Variants in CLDN12 observed in about 807,000 individuals in gnomAD.
The protein encoded by CLDN12 is claudin 12.
In CLDN12, 9 loss-of-function variants were observed where a neutral mutation model predicts 15.5. The observed-to-expected ratio is 0.58, with a 90% CI of 0.35 to 1.02. CLDN12 has a LOEUF of 1.02. Among genes scored for constraint, CLDN12 ranks in the 50% least tolerant of loss-of-function variants. The pLI is 0.02. For synonymous variants in CLDN12, 140 were observed against 121.6 expected (o/e 1.15, Z -1.00); for missense variants, 233 against 297.3 (o/e 0.78, Z 1.59).
intron 2 of CLDN12, among the ~76,000 whole-genome samples, chr7:90,407,190 G>A (rs1213458241): frequency 2.0e-5 from 3 of 152,080 alleles, no homozygotes; most frequent in African/African-American, 7.2e-5. Context: ...GAGCCACCAC[G>A]CCGCGCCAGG....
Position 90,413,198 on chromosome 7 carries a change from A to G in CLDN12, c.522A>G (p.Ala174=). The change falls in exon 4 of 4, where the codon GCA becomes GCG. Residue 174 remains alanine (A), a synonymous_variant. Transcript: ENST00000496677. ...KFEPVFSFDY[A]VYVTIASAGG... ...AGCCAGTCTTTTCATTTGACTATGC[A>G]GTGTATGTCACTATTGCTAGTGCTG... 6.2e-7 allele frequency: 1 copy of G among 1,614,194 alleles called. No homozygotes were observed. The highest frequency in any genetic ancestry group is 8.5e-7 in the Non-Finnish European group (1 of 1,180,022).
intron 2 of CLDN12, among the ~76,000 whole-genome samples, chr7:90,411,378 G>A (rs1287498036): frequency 6.6e-6 from 1 of 152,212 alleles, no homozygotes; most frequent in Admixed American, 6.5e-5. Context: ...TGCTTTGAGA[G>A]TGAATATCAG....
rs748275826 is a variant in CLDN12, at chr7:90,413,345, C to T, written c.669C>T (p.Pro223=). 6.2e-7 allele frequency: 1 copy of T among 1,614,038 alleles called. No homozygotes were observed. Among genetic ancestry groups the T allele is most frequent in the Admixed American group, 1.7e-5 (1 of 59,996 alleles). ...CCAGTATGCATACTTACTCACAGCC[C>T]TATTCAGCACGCTCTCGCCTCTCTG... is the stretch of plus-strand genomic sequence containing the variant. ...HPPSMHTYSQ[P]YSARSRLSAI... The change falls in exon 4 of 4, where the codon CCC becomes CCT. Residue 223 remains proline (P), a synonymous_variant. Coordinates refer to ENST00000496677, the MANE Select transcript of CLDN12 (RefSeq NM_001185072.3).
At position 90,412,900 on chromosome 7, in the gene CLDN12, A is replaced by G. The variant is rs1484264687; in HGVS notation, c.224A>G (p.Tyr75Cys). 6.2e-7 allele frequency: 1 copy of G among 1,614,116 alleles called. No individual in the cohort carries two copies. The highest frequency in any genetic ancestry group is 1.3e-5 in the African/African-American group (1 of 75,032). The change falls in exon 4 of 4, where the codon TAC becomes TGC. Residue 75 changes from tyrosine (Y) to cysteine (C), a missense_variant. Transcript: ENST00000496677. ...SDCLMYDTTW[Y>C]SSVDQLDLRV... Reference sequence around the variant, plus strand: ...TGCCTGATGTACGACACTACTTGGTACTCATCAGTTGACCAGCTGGACCTG... The same window carrying G: ...TGCCTGATGTACGACACTACTTGGTGCTCATCAGTTGACCAGCTGGACCTG...
intron 3 of CLDN12, chr7:90,412,406 G>C (rs1317752026): frequency 5.0e-6 from 2 of 401,490 alleles, no homozygotes; most frequent in South Asian, 8.4e-5. Context: ...GATGGCTAAA[G>C]ATTTTAGTTG....
intron 2 of CLDN12, among the ~76,000 whole-genome samples, chr7:90,410,350 G>A (rs1346300410): frequency 6.6e-6 from 1 of 151,836 alleles, no homozygotes; most frequent in African/African-American, 2.4e-5. Flanking sequence ...ACTGACAGAA[G>A]GTAACATAAT....
intron 2 of CLDN12, among the ~76,000 whole-genome samples, chr7:90,408,716 T>C (rs191051646): frequency 6.6e-6 from 1 of 152,258 alleles, no homozygotes; most frequent in Non-Finnish European, 1.5e-5. Context: ...TCTGTATAGA[T>C]AGGCCTCTGT....
At chr7:90,408,057 G>A (rs1562968136) in intron 2 of CLDN12, among the ~76,000 whole-genome samples, 1 of 152,130 alleles carries the variant, frequency 6.6e-6, no homozygotes, top group Non-Finnish European at 1.5e-5. Context: ...GATGAGGTTT[G>A]CATTTGAAAA....
rs1478353974 is a variant in CLDN12, at chr7:90,414,188, T to C, written c.*777T>C. ...TTCCATCAAGCAGTACTCGTGCCCA[T>C]ATACAATCTCTTAGTGGCTAGGAGA... is the stretch of plus-strand genomic sequence containing the variant. On this transcript the variant is annotated 3_prime_UTR_variant, in exon 4 of 4. Transcript: ENST00000496677. The C allele has an allele frequency of 3.0e-6, 3 of 1,000,144 alleles. No homozygotes were observed. The highest frequency in any genetic ancestry group is 3.6e-6 in the Non-Finnish European group (3 of 829,996). The allele number at this position is 1,000,144 out of a possible 1,614,324, so 62.0% of individuals were successfully genotyped here.
rs1715026992 is a variant in CLDN12, at chr7:90,415,038, T to C, written c.*1627T>C. The C allele has an allele frequency of 6.0e-6, 1 of 166,980 alleles. No homozygotes were observed. Among genetic ancestry groups the C allele is most frequent in the Non-Finnish European group, 1.5e-5 (1 of 68,116 alleles). The allele number at this position is 166,980 out of a possible 1,614,324, so 10.3% of individuals were successfully genotyped here. ...AACAGCTAGTTATATGGTAAACAGA[T>C]TATTATGCCTTTTTGCAATTCTGAA... On this transcript the variant is annotated 3_prime_UTR_variant, in exon 4 of 4. Transcript: ENST00000496677.
rs1268142593 is a variant in CLDN12, at chr7:90,413,350, C to T, written c.674C>T (p.Ser225Leu). ...PSMHTYSQPY[S>L]ARSRLSAIEI... ...ATGCATACTTACTCACAGCCCTATTCAGCACGCTCTCGCCTCTCTGCCATT... is the reference window on the plus strand; with the variant it reads ...ATGCATACTTACTCACAGCCCTATTTAGCACGCTCTCGCCTCTCTGCCATT... The change falls in exon 4 of 4, where the codon TCA becomes TTA. Residue 225 changes from serine to leucine, a missense_variant. Ser to Leu is a moderately radical substitution (Grantham distance 145). Coordinates refer to ENST00000496677, the MANE Select transcript of CLDN12 (RefSeq NM_001185072.3). 6.2e-7 allele frequency: 1 copy of T among 1,614,206 alleles called. No individual in the cohort carries two copies. Among genetic ancestry groups the T allele is most frequent in the South Asian group, 1.1e-5 (1 of 91,082 alleles).
At position 90,412,981 on chromosome 7, in the gene CLDN12, T is replaced by A. The variant is rs1796997721; in HGVS notation, c.305T>A (p.Leu102Gln). ...ATGCTGATCGCCATGGGTGCCCTGC[T>A]GCTCTGCCTGATTGGAATGTGCAAC... is the stretch of plus-strand genomic sequence containing the variant. ...LSMLIAMGAL[L>Q]LCLIGMCNTA... is the part of the protein sequence containing the mutation. Residue 102 changes from leucine (L) to glutamine (Q), a missense_variant, in exon 4 of 4, where the codon CTG becomes CAG. By Grantham distance (113) the Leu-to-Gln change is moderately radical (BLOSUM62 -2). Coordinates refer to ENST00000496677, the MANE Select transcript of CLDN12 (RefSeq NM_001185072.3). 1 of 1,614,198 alleles carries A rather than the reference T, an allele frequency of 6.2e-7. No homozygotes were observed. Among genetic ancestry groups the A allele is most frequent in the Admixed American group, 1.7e-5 (1 of 60,018 alleles).
At position 90,413,483 on chromosome 7, in the gene CLDN12, G is replaced by A. The variant is rs947945946; in HGVS notation, c.*72G>A. The A allele has an allele frequency of 2.1e-5, 33 of 1,545,676 alleles. No homozygotes were observed. The highest frequency in any genetic ancestry group is 4.0e-5 in the Admixed American group (2 of 50,340). ...TCCCCTTGTGCAAAGAGCTCTTTTGGACCTACATACATTTTCCTTTGTTTT... is the reference window on the plus strand; with the variant it reads ...TCCCCTTGTGCAAAGAGCTCTTTTGAACCTACATACATTTTCCTTTGTTTT... On this transcript the variant is annotated 3_prime_UTR_variant, in exon 4 of 4. Coordinates refer to ENST00000496677, the MANE Select transcript of CLDN12 (RefSeq NM_001185072.3).
rs1489120300 is a variant in CLDN12, at chr7:90,415,872, A to G, written c.*2461A>G. The G allele has an allele frequency of 6.0e-6, 1 of 166,968 alleles. No individual in the cohort carries two copies. The highest frequency in any genetic ancestry group is 2.4e-5 in the African/African-American group (1 of 41,454). 10.3% of individuals were successfully genotyped at this position (166,968 alleles called of 1,614,324 possible). A position where few individuals can be genotyped will look rare whatever the true frequency, so the allele number is the denominator to read the frequency against. ...GTACATATACACTACAATGGATAGT[A>G]TATTTGCTGTAAACTACAATGTAAA... On this transcript the variant is annotated 3_prime_UTR_variant, in exon 4 of 4. Transcript: ENST00000496677.
chr7:90,411,978 T>C (rs1020773675), intron 2 of CLDN12, 29 bp from the exon 3 acceptor site: 4 of 152,342 alleles, frequency 2.6e-5, no homozygotes, highest in African/African-American at 9.6e-5. Flanking sequence ...CCCTGCAAGG[T>C]TGGCACTGTT....
chr7:90,404,773 T>G (rs1448986643), intron 1 of CLDN12, among the ~76,000 whole-genome samples: 1 of 152,142 alleles, frequency 6.6e-6, no homozygotes, highest in Non-Finnish European at 1.5e-5. Context: ...TCCTCATTTC[T>G]CCTATATTCT....
Position 90,405,616 on chromosome 7 carries a change from C to G in CLDN12, c.-77+8C>G, listed in dbSNP as rs1369719405. 1 of 152,088 alleles carries G rather than the reference C, an allele frequency of 6.6e-6. No individual in the cohort carries two copies. The highest frequency in any genetic ancestry group is 2.4e-5 in the African/African-American group (1 of 41,402). 9.4% of individuals were successfully genotyped at this position (152,088 alleles called of 1,614,324 possible). A position where few individuals can be genotyped will look rare whatever the true frequency, so the allele number is the denominator to read the frequency against. ...TGTCAGGTACCTCAAAGCGTAAGTA[C>G]GTCCTTTAATTATATCTTATTTCCC... On this transcript the variant is annotated splice_region_variant and intron_variant, in intron 2 of 3. Transcript: ENST00000496677.
chr7:90,404,243 A>G (rs947720460), intron 1 of CLDN12, among the ~76,000 whole-genome samples: 1 of 142,160 alleles, frequency 7.0e-6, no homozygotes, highest in Non-Finnish European at 1.5e-5. Flanking sequence ...GTGTGCAATT[A>G]TGATTGATAC....
In CLDN12 at chr7:90,403,468, C is replaced by G. The variant is rs1796774373; in HGVS notation, c.-248C>G. The G allele has an allele frequency of 1.3e-5, 2 of 152,140 alleles. No homozygotes were observed. The highest frequency in any genetic ancestry group is 1.3e-4 in the Admixed American group (2 of 15,272). The allele number at this position is 152,140 out of a possible 1,614,324, so 9.4% of individuals were successfully genotyped here. ...CCTCCGGTGTACCTCGCTGGGAACG[C>G]ACTTCCTGGGACGCTGAGAGGGAGA... On this transcript the variant is annotated 5_prime_UTR_variant, in exon 1 of 4. Transcript: ENST00000496677.
Sources: allele counts gnomAD v4.1 joint callset (sites outside exome capture counted in the v4.1 genomes callset), GRCh38; gene constraint gnomAD v4.1.1; transcripts MANE v1.5; gene names NCBI Gene and HGNC (gene_info 2026-07-23, HGNC 2026-07-21).